PDSS2: variants seen among roughly 807,000 people sequenced by gnomAD.
PDSS2 encodes the protein decaprenyl diphosphate synthase subunit 2, also known as all trans-polyprenyl-diphosphate synthase PDSS2.
Under a neutral mutation model 44.5 loss-of-function variants are expected in PDSS2, and 31 were observed. The ratio of observed to expected loss-of-function variants is 0.70; its 90% confidence interval spans 0.52 to 0.94. The LOEUF (loss-of-function observed/expected upper bound fraction) is 0.94. Ranked by LOEUF, PDSS2 falls within the 40% of genes least tolerant of loss-of-function variation. The pLI, the probability that PDSS2 is intolerant of heterozygous loss-of-function variation, is 0.00. For missense variants in PDSS2, 452 were observed against 482.2 expected (o/e 0.94, Z 0.59); for synonymous variants, 157 against 180.3 (o/e 0.87, Z 1.03).
intron 1 of PDSS2, among the ~76,000 whole-genome samples, chr6:107,375,246 T>C (rs374172959): frequency 6.6e-6 from 1 of 151,734 alleles, no homozygotes; most frequent in Non-Finnish European, 1.5e-5. Context: ...CAAAAATTGA[T>C]AAAACAGAAA....
chr6:107,305,082 C>T (rs561632328), intron 2 of PDSS2, among the ~76,000 whole-genome samples: 1 of 152,242 alleles, frequency 6.6e-6, no homozygotes, highest in East Asian at 1.9e-4. Flanking sequence ...AACTTAAAGT[C>T]TCATAGGTTT....
intron 2 of PDSS2, among the ~76,000 whole-genome samples, chr6:107,290,306 T>C (rs919560100): frequency 5.9e-5 from 9 of 152,186 alleles, no homozygotes; most frequent in Admixed American, 3.3e-4. Flanking sequence ...AACTGCAGTA[T>C]TGCTGTGTGA....
rs900511720 is a variant in PDSS2, at chr6:107,326,270, A to AT, written c.431+7927dup. On this transcript the variant is annotated intron_variant, in intron 2 of 7. Transcript: ENST00000369037. ...AGGCAGGTACCACCATGCCTGGCTA[A>AT]TTTTTTTTTCTTGTATTTTAGTAGA... Among the ~76,000 whole-genome samples the AT allele has an allele frequency of 7.6e-4, 114 of 150,110 alleles. 1 individual carries two copies. Among genetic ancestry groups the AT allele is most frequent in the East Asian group, 4.0e-4 (2 of 4,998 alleles).
intron 1 of PDSS2, among the ~76,000 whole-genome samples, chr6:107,372,395 G>A (rs1047346327): frequency 2.6e-5 from 4 of 152,172 alleles, no homozygotes; most frequent in Non-Finnish European, 4.4e-5. Flanking sequence ...ACTGCATTTA[G>A]TCTGGGAAGT....
Position 107,420,595 on chromosome 6 carries a change from A to G in PDSS2, c.296+38395T>C, listed in dbSNP as rs76618263. The stretch of plus-strand genomic sequence containing the variant: ...GGAGGGAAAATAGTCTTTTCAACAA[A>G]TCATGCTGGAACAACTGGACATCCA... On this transcript the variant is annotated intron_variant, in intron 1 of 7. Transcript: ENST00000369037. 6.9e-3 allele frequency among the ~76,000 whole-genome samples: 1,057 copies of G among 152,312 alleles called. 8 individuals carry two copies. Among genetic ancestry groups the G allele is most frequent in the African/African-American group, 0.024 (994 of 41,570 alleles).
At chr6:107,427,963 G>C (rs1280203282) in intron 1 of PDSS2, among the ~76,000 whole-genome samples, 1 of 152,090 alleles carries the variant, frequency 6.6e-6, no homozygotes, top group Non-Finnish European at 1.5e-5. Flanking sequence ...AACAAATTTT[G>C]GATTGACAAA....
chr6:107,284,066 A>AATAAAT (rs373143132), intron 2 of PDSS2, among the ~76,000 whole-genome samples: 3 of 151,368 alleles, frequency 2.0e-5, no homozygotes, highest in Admixed American at 6.6e-5. Context: ...TAAATAAATA[A>AATAAAT]AAATAAAATA....
chr6:107,211,859 C>G (rs756366584), intron 5 of PDSS2, among the ~76,000 whole-genome samples: 5 of 151,864 alleles, frequency 3.3e-5, no homozygotes, highest in Admixed American at 6.6e-5. Flanking sequence ...TCTCAAGAAC[C>G]CTTTCAGGTG....
chr6:107,307,700 C>T (rs972834463), intron 2 of PDSS2, among the ~76,000 whole-genome samples: 3 of 152,092 alleles, frequency 2.0e-5, no homozygotes, highest in Admixed American at 1.3e-4. Flanking sequence ...ATCATCTTGG[C>T]ATGTTGCTAC....
At position 107,318,804 on chromosome 6, in the gene PDSS2, T is replaced by C. The variant is rs547174782; in HGVS notation, c.431+15394A>G. Among the ~76,000 whole-genome samples the C allele has an allele frequency of 1.1e-3, 165 of 152,192 alleles. 3 individuals carry two copies. Among genetic ancestry groups the C allele is most frequent in the Admixed American group, 8.7e-3 (133 of 15,282 alleles). Reference sequence around the variant, plus strand: ...GAGTTCAAAACCAGCCTAGGCAACATGGTGAAACCCCATCTCTACTAAAAA... The same window carrying C: ...GAGTTCAAAACCAGCCTAGGCAACACGGTGAAACCCCATCTCTACTAAAAA... On this transcript the variant is annotated intron_variant, in intron 2 of 7. Transcript: ENST00000369037.
At chr6:107,455,011 A>G (rs1781990340) in intron 1 of PDSS2, among the ~76,000 whole-genome samples, 1 of 152,094 alleles carries the variant, frequency 6.6e-6, no homozygotes, top group Non-Finnish European at 1.5e-5. Context: ...AATTTGCAAC[A>G]CATTATTGTA....
intron 7 of PDSS2, among the ~76,000 whole-genome samples, chr6:107,179,038 C>A (rs1405000784): frequency 6.6e-6 from 1 of 152,202 alleles, no homozygotes; most frequent in Non-Finnish European, 1.5e-5. Flanking sequence ...GTGTCTTAAA[C>A]AGTGTACGCT....
intron 4 of PDSS2, among the ~76,000 whole-genome samples, chr6:107,225,998 T>C (rs1013786604): frequency 3.3e-5 from 5 of 152,168 alleles, no homozygotes; most frequent in African/African-American, 1.2e-4. Context: ...GCCAAACAAT[T>C]GGATAACCGC....
At chr6:107,236,489 A>G (rs1774230196) in intron 4 of PDSS2, among the ~76,000 whole-genome samples, 2 of 151,726 alleles carry the variant, frequency 1.3e-5, no homozygotes, top group South Asian at 2.1e-4. Context: ...AAAAGAGTTC[A>G]TTACTAGCAG....
chr6:107,338,634 G>A (rs919544532), intron 1 of PDSS2, among the ~76,000 whole-genome samples: 34 of 152,168 alleles, frequency 2.2e-4, no homozygotes, highest in African/African-American at 4.6e-4. Context: ...AGAGACTTCC[G>A]TGAGATCTAA....
chr6:107,250,187 C>G (rs896759991), intron 3 of PDSS2, among the ~76,000 whole-genome samples: 11 of 151,476 alleles, frequency 7.3e-5, no homozygotes, highest in Non-Finnish European at 7.4e-5. Flanking sequence ...CTGACCCCCC[C>G]CCGCAAAAAA....
In PDSS2 at chr6:107,376,569, T is replaced by A. The variant is rs552656892; in HGVS notation, c.297-42237A>T. 6.6e-5 allele frequency among the ~76,000 whole-genome samples: 10 copies of A among 152,334 alleles called. No individual in the cohort carries two copies. In the South Asian group the frequency reaches 1.7e-3, roughly 25 times the overall value. ...CATGATTTGGCTCTCTGTCTGTTAT[T>A]GGTGTATAAGAATGCTTGTGATTTT... On this transcript the variant is annotated intron_variant, in intron 1 of 7. Transcript: ENST00000369037.
At chr6:107,389,998 T>A (rs894924607) in intron 1 of PDSS2, among the ~76,000 whole-genome samples, 3 of 151,910 alleles carry the variant, frequency 2.0e-5, no homozygotes, top group Admixed American at 6.6e-5. Flanking sequence ...GCTGGAACAA[T>A]TTGAGCAACA....
chr6:107,238,716 A>T (rs900018472), intron 4 of PDSS2, among the ~76,000 whole-genome samples: 1 of 152,210 alleles, frequency 6.6e-6, no homozygotes, highest in Non-Finnish European at 1.5e-5. Flanking sequence ...GTCTGTAAAC[A>T]GTTTAGGCAC....
Sources: allele counts gnomAD v4.1 joint callset (sites outside exome capture counted in the v4.1 genomes callset), GRCh38; gene constraint gnomAD v4.1.1; transcripts MANE v1.5; gene names NCBI Gene and HGNC (gene_info 2026-07-23, HGNC 2026-07-21).